COL24A1: variants seen among roughly 807,000 people sequenced by gnomAD.
The protein encoded by COL24A1 is collagen type XXIV alpha 1 chain, also known as collagen alpha-1(XXIV) chain.
Under a neutral mutation model 253.9 loss-of-function variants are expected in COL24A1, and 224 were observed. That is an observed-to-expected ratio of 0.88 (90% CI 0.79 to 0.99). COL24A1 has a LOEUF of 0.99. Among genes scored for constraint, COL24A1 ranks in the 50% least tolerant of loss-of-function variants. The pLI, the probability that COL24A1 is intolerant of heterozygous loss-of-function variation, is 0.00. For missense variants in COL24A1, 2,131 were observed against 2,068.5 expected (o/e 1.03, Z -0.59); for synonymous variants, 685 against 673.7 (o/e 1.02, Z -0.26).
At position 85,997,055 on chromosome 1, in the gene COL24A1, G is replaced by GTGTGTGTGTGTGTGTGTATA; in HGVS notation, c.2311-9402_2311-9401insTATACACACACACACACACA. Among the ~76,000 whole-genome samples the GTGTGTGTGTGTGTGTGTATA allele has an allele frequency of 1.3e-4, 12 of 95,066 alleles. 1 individual carries two copies. The highest frequency in any genetic ancestry group is 4.2e-4 in the South Asian group (1 of 2,394). The allele number at this position is 95,066 out of a possible 152,430, so 62.4% of individuals were successfully genotyped here. A position where few individuals can be genotyped will look rare whatever the true frequency, so the allele number is the denominator to read the frequency against. On this transcript the variant is annotated intron_variant, in intron 19 of 59. Coordinates refer to ENST00000370571, the MANE Select transcript of COL24A1 (RefSeq NM_152890.7). ...TATATATATATATGTGTGTGTGTGT[G>GTGTGTGTGTGTGTGTGTATA]TATATATATATATATATATATATAT...
chr1:85,827,900 GT>G (rs1299920790), intron 43 of COL24A1, among the ~76,000 whole-genome samples: 11 of 152,102 alleles, frequency 7.2e-5, no homozygotes, highest in African/African-American at 2.2e-4. Flanking sequence ...TTTTTGAAGG[GT>G]TTTTTGTGTC....
chr1:85,830,790 G>C (rs1675148258), intron 43 of COL24A1, among the ~76,000 whole-genome samples: 1 of 152,142 alleles, frequency 6.6e-6, no homozygotes, highest in Non-Finnish European at 1.5e-5. Context: ...CTCGCGCACA[G>C]TGCGTGCACC....
chr1:86,132,026 G>C (rs1649309274), intron 2 of COL24A1, among the ~76,000 whole-genome samples: 1 of 152,094 alleles, frequency 6.6e-6, no homozygotes, highest in Non-Finnish European at 1.5e-5. Context: ...TCCAGCACTT[G>C]TTGTTTCCTG....
intron 19 of COL24A1, among the ~76,000 whole-genome samples, chr1:86,012,310 C>T (rs968639513): frequency 1.3e-5 from 2 of 152,172 alleles, no homozygotes; most frequent in Non-Finnish European, 2.9e-5. Context: ...GCCCTACTGG[C>T]CAGGTGCGGT....
At chr1:86,107,689 C>G (rs2102104744) in intron 5 of COL24A1, among the ~76,000 whole-genome samples, 1 of 152,044 alleles carries the variant, frequency 6.6e-6, no homozygotes, top group Admixed American at 6.5e-5. Flanking sequence ...CGCCTCCCAC[C>G]ACGCCCGGCT....
intron 24 of COL24A1, among the ~76,000 whole-genome samples, chr1:85,923,208 C>T (rs1056945994): frequency 7.9e-5 from 12 of 152,140 alleles, no homozygotes; most frequent in African/African-American, 2.9e-4. Context: ...TAGACTCCAA[C>T]ACAATAATAA....
At chr1:85,811,228 T>C (rs1367685174) in intron 47 of COL24A1, among the ~76,000 whole-genome samples, 2 of 152,166 alleles carry the variant, frequency 1.3e-5, no homozygotes, top group Non-Finnish European at 2.9e-5. Flanking sequence ...CAATCACTGA[T>C]AGACATTTGG....
intron 18 of COL24A1, among the ~76,000 whole-genome samples, chr1:86,017,948 C>T (rs1697149273): frequency 6.6e-6 from 1 of 152,044 alleles, no homozygotes; most frequent in South Asian, 2.1e-4. Context: ...AAGCTAGTTT[C>T]TGACATTCAT....
chr1:85,790,673 C>T (rs1381159798), intron 47 of COL24A1, among the ~76,000 whole-genome samples: 2 of 152,054 alleles, frequency 1.3e-5, no homozygotes, highest in East Asian at 1.9e-4. Context: ...ATTACCAGTG[C>T]ACATGCTATC....
intron 5 of COL24A1, among the ~76,000 whole-genome samples, chr1:86,100,045 G>T (rs1041283729): frequency 6.6e-6 from 1 of 151,756 alleles, no homozygotes; most frequent in African/African-American, 2.4e-5. Context: ...TGTTTATTGC[G>T]GCACTATTCA....
chr1:85,919,208 A>G (rs1324469089), intron 24 of COL24A1, among the ~76,000 whole-genome samples: 1 of 152,168 alleles, frequency 6.6e-6, no homozygotes, highest in African/African-American at 2.4e-5. Context: ...TATTATTGTA[A>G]ACCACTAATA....
rs72950694 is a variant in COL24A1, at chr1:85,811,126, T to G, written c.3951+5662A>C. Among the ~76,000 whole-genome samples, 1,450 of 152,326 alleles carry G rather than the reference T, an allele frequency of 9.5e-3. 22 individuals carry two copies. Among genetic ancestry groups the G allele is most frequent in the African/African-American group, 0.033 (1,375 of 41,576 alleles). Reference sequence around the variant, plus strand: ...TCATCCAGGTTATAGTGTGTCAGACTTTCATTCCTTTTTAAGGCTGAAAAA... The same window carrying G: ...TCATCCAGGTTATAGTGTGTCAGACGTTCATTCCTTTTTAAGGCTGAAAAA... On this transcript the variant is annotated intron_variant, in intron 47 of 59. Coordinates refer to ENST00000370571, the MANE Select transcript of COL24A1 (RefSeq NM_152890.7).
At chr1:85,865,135 G>A (rs1402103933) in intron 37 of COL24A1, among the ~76,000 whole-genome samples, 2 of 150,844 alleles carry the variant, frequency 1.3e-5, no homozygotes, top group South Asian at 2.1e-4. Context: ...CCTCTAGGAA[G>A]TAAGGAGATC....
chr1:85,734,943 C>T lies in COL24A1; in HGVS notation c.4804G>A (p.Val1602Ile), dbSNP rs555249486. 6.2e-7 allele frequency: 1 copy of T among 1,614,178 alleles called. No homozygotes were observed. Among genetic ancestry groups the T allele is most frequent in the South Asian group, 1.1e-5 (1 of 91,078 alleles). The change falls in exon 59 of 60, where the codon GTC becomes ATC. Residue 1602 changes from valine (V) to isoleucine (I), a missense_variant. Coordinates refer to ENST00000370571, the MANE Select transcript of COL24A1 (RefSeq NM_152890.7). ...VTKLEFGVGK[V>I]QMNFLHLLSS... Reference sequence around the variant, plus strand: ...AGTAAATGAAGGAAGTTCATCTGGACTTTCCCAACTCCAAACTCCAACTAA... The same window carrying T: ...AGTAAATGAAGGAAGTTCATCTGGATTTTCCCAACTCCAAACTCCAACTAA...
chr1:86,022,478 T>C, intron 17 of COL24A1, 60 bp downstream of exon 17: 2 of 1,454,358 alleles, frequency 1.4e-6, no homozygotes, highest in Non-Finnish European at 1.9e-6. Context: ...TAATAAGCAG[T>C]TCTTTCTTTT....
At position 86,082,397 on chromosome 1, in the gene COL24A1, T is replaced by C. The variant is rs923342225; in HGVS notation, c.1707+6777A>G. 1.8e-4 allele frequency among the ~76,000 whole-genome samples: 27 copies of C among 152,186 alleles called. No individual in the cohort carries two copies. The South Asian group carries it at 1.9e-3, about 11-fold the overall frequency. On this transcript the variant is annotated intron_variant, in intron 7 of 59. Coordinates refer to ENST00000370571, the MANE Select transcript of COL24A1 (RefSeq NM_152890.7). ...TGCTTATGCATTATCTATGTGTAGA[T>C]AGCATACTTGTCCACTAGGTGCAGT...
intron 19 of COL24A1, among the ~76,000 whole-genome samples, chr1:85,989,457 C>CA (rs1694027860): frequency 2.6e-5 from 4 of 152,250 alleles, no homozygotes; most frequent in Admixed American, 2.0e-4. Flanking sequence ...CACTTTTCTA[C>CA]AAACCTCCCT....
At chr1:85,830,365 C>T (rs1180191863) in intron 43 of COL24A1, among the ~76,000 whole-genome samples, 3 of 152,160 alleles carry the variant, frequency 2.0e-5, no homozygotes, top group Non-Finnish European at 4.4e-5. Flanking sequence ...AGGGTTACTG[C>T]TGTCTTTTTG....
chr1:85,993,203 C>T (rs1694451299), intron 19 of COL24A1, among the ~76,000 whole-genome samples: 1 of 151,948 alleles, frequency 6.6e-6, no homozygotes, highest in South Asian at 2.1e-4. Context: ...GCTAGAGTGT[C>T]CTAACAGAAT....
Sources: allele counts gnomAD v4.1 joint callset (sites outside exome capture counted in the v4.1 genomes callset), GRCh38; gene constraint gnomAD v4.1.1; transcripts MANE v1.5; gene names NCBI Gene and HGNC (gene_info 2026-07-23, HGNC 2026-07-21).